Variants in PIGQ observed in about 807,000 individuals in gnomAD.
The protein encoded by PIGQ is phosphatidylinositol N-acetylglucosaminyltransferase subunit Q.
A neutral mutation model predicts 60.3 loss-of-function variants in PIGQ; 54 were observed. The observed-to-expected ratio is 0.90, with a 90% CI of 0.72 to 1.12. PIGQ has a LOEUF of 1.12. Among genes scored for constraint, PIGQ ranks in the 50% most tolerant of loss-of-function variants. The pLI, the probability that PIGQ is intolerant of heterozygous loss-of-function variation, is 0.00. For missense variants in PIGQ, 799 were observed against 793.5 expected, an observed-to-expected ratio of 1.01 and a Z score of -0.08; for synonymous variants, 416 against 363.7, an observed-to-expected ratio of 1.14 and a Z score of -1.64.
chr16:581,755 C>T (rs1434178750), intron 9 of PIGQ: 1 of 148,852 alleles, frequency 6.7e-6, no homozygotes, highest in Admixed American at 7.2e-5. Flanking sequence ...AGCCACCGTG[C>T]CCGGCTTTTT....
At chr16:577,270 C>G (rs1225703544) in intron 4 of PIGQ, 6 of 152,210 alleles carry the variant, frequency 3.9e-5, no homozygotes, top group African/African-American at 4.8e-5. Flanking sequence ...TAAATAAGCT[C>G]TATTTATAAA....
At chr16:575,515 C>T (rs865847509) in intron 2 of PIGQ, among the ~76,000 whole-genome samples, 3 of 152,198 alleles carry the variant, frequency 2.0e-5, no homozygotes, top group Non-Finnish European at 2.9e-5. Context: ...TGGGCCCTGT[C>T]GGCGGGGCGA....
intron 9 of PIGQ, chr16:581,177 C>G (rs2035803753): frequency 6.9e-6 from 10 of 1,446,368 alleles, no homozygotes; most frequent in African/African-American, 1.4e-5. Context: ...GAGAGAGACT[C>G]AGAGACTCAC....
Position 582,280 on chromosome 16 carries a change from G to C in PIGQ, c.1564G>C (p.Ala522Pro). The change falls in exon 10 of 11, where the codon GCC becomes CCC. Residue 522 changes from alanine (A) to proline (P), a missense_variant. Ala to Pro is a conservative substitution (Grantham distance 27). Transcript: ENST00000321878. Reference sequence around the variant, plus strand: ...GAAGTTCCGTGTCCTCCGGCACGAGGCCGGCAGGCCCCTCCGCCTCCTGAT... The same window carrying C: ...GAAGTTCCGTGTCCTCCGGCACGAGCCCGGCAGGCCCCTCCGCCTCCTGAT... ...GVKFRVLRHE[A>P]GRPLRLLMQI... The C allele has an allele frequency of 6.2e-7, 1 of 1,605,138 alleles. No homozygotes were observed.
chr16:583,414 G>A lies in PIGQ; in HGVS notation c.*379G>A, dbSNP rs775553398. The A allele has an allele frequency of 1.9e-5, 30 of 1,612,652 alleles. No individual in the cohort carries two copies. The Admixed American group carries it at 5.0e-4, about 27-fold the overall frequency. On this transcript the variant is annotated 3_prime_UTR_variant, in exon 11 of 11. Coordinates refer to ENST00000321878, the MANE Select transcript of PIGQ (RefSeq NM_004204.5). ...CCCCAGGTGGAGGGCTGGTCTCCCT[G>A]GGGGCTCCCCAGTGGCTCTGCCCTG...
chr16:581,760 C>CCT (rs2035812640), intron 9 of PIGQ: 1 of 82,942 alleles, frequency 1.2e-5, no homozygotes, highest in Non-Finnish European at 2.2e-5. Flanking sequence ...CCGTGCCCGG[C>CCT]TTTTTTTTTT....
intron 4 of PIGQ, 49 bp from the exon 5 acceptor site, chr16:578,330 T>TGCTGAGCCTG: frequency 6.3e-7 from 1 of 1,576,072 alleles, no homozygotes; most frequent in East Asian, 2.3e-5. Context: ...GAGATGCAGG[T>TGCTGAGCCTG]GCTGAGCCTG....
At chr16:574,030 G>A in intron 1 of PIGQ, 36 bp from the exon 2 acceptor site, 1 of 1,448,534 alleles carries the variant, frequency 6.9e-7, no homozygotes, top group Non-Finnish European at 9.4e-7. Flanking sequence ...GGGGGCAGCA[G>A]CAGCTCTGAG....
chr16:583,016 G>C lies in PIGQ; in HGVS notation c.1727G>C (p.Arg576Thr), dbSNP rs756656099. ...GAGCTCATCTACCCCTGGAGGCAGA[G>C]AGGGGACAAGCAGGACTGAGGGAAC... ...LGELIYPWRQ[R>T]GDKQD Residue 576 changes from arginine to threonine, a missense_variant, in exon 11 of 11, where the codon AGA becomes ACA. By Grantham distance (71) the Arg-to-Thr change is moderately conservative. Transcript: ENST00000321878. The C allele has an allele frequency of 8.7e-6, 14 of 1,613,164 alleles. No individual in the cohort carries two copies. The highest frequency in any genetic ancestry group is 1.2e-5 in the Non-Finnish European group (14 of 1,179,998).
Position 580,929 on chromosome 16 carries a change from G to A in PIGQ, c.1488G>A (p.Leu496=). 1.2e-6 allele frequency: 2 copies of A among 1,610,884 alleles called. No homozygotes were observed. The highest frequency in any genetic ancestry group is 1.1e-5 in the South Asian group (1 of 91,064). Residue 496 remains leucine (L), a synonymous_variant, in exon 9 of 11, where the codon CTG becomes CTA. Coordinates refer to ENST00000321878, the MANE Select transcript of PIGQ (RefSeq NM_004204.5). ...LLVDLINSLP[L]YSLGLRLCRP... ...TGGACCTCATCAACTCCCTGCCGCT[G>A]TACTCACTGGGTCTTCGGCTCTGCC...
intron 10 of PIGQ, chr16:582,647 C>T (rs931162059): frequency 4.0e-5 from 24 of 594,576 alleles, no homozygotes; most frequent in East Asian, 1.9e-4. Context: ...CCCTGTGGCA[C>T]GGCCCCTCAG....
intron 1 of PIGQ, among the ~76,000 whole-genome samples, chr16:573,366 C>T (rs1014182530): frequency 1.3e-5 from 2 of 152,020 alleles, no homozygotes; most frequent in African/African-American, 4.8e-5. Context: ...GTGGGGATGT[C>T]AGGGAGGGCC....
intron 2 of PIGQ, among the ~76,000 whole-genome samples, chr16:575,345 G>A (rs1432936486): frequency 6.6e-6 from 1 of 152,222 alleles, no homozygotes; most frequent in Non-Finnish European, 1.5e-5. Flanking sequence ...GAGAACAGAG[G>A]GCCCCCTTCC....
intron 4 of PIGQ, chr16:576,593 TG>T: frequency 2.0e-6 from 1 of 497,034 alleles, no homozygotes; most frequent in Non-Finnish European, 3.5e-6. Flanking sequence ...CCTGGCTCTC[TG>T]GGGCCCTCTG....
Position 583,988 on chromosome 16 carries a change from G to A in PIGQ, c.*953G>A, listed in dbSNP as rs80239021. The stretch of plus-strand genomic sequence containing the variant: ...GTGCCGGCTGGTGAGGGGATGACGC[G>A]CTGTGGGTGGGAGGAGGCAGCGCCC... On this transcript the variant is annotated 3_prime_UTR_variant, in exon 11 of 11. Transcript: ENST00000321878. 5,653 of 385,074 alleles carry A rather than the reference G, an allele frequency of 0.015. 222 individuals carry two copies. The highest frequency in any genetic ancestry group is 0.14 in the East Asian group (2,254 of 16,176). The allele number at this position is 385,074 out of a possible 1,614,324, so 23.9% of individuals were successfully genotyped here. A position where few individuals can be genotyped will look rare whatever the true frequency, so the allele number is the denominator to read the frequency against.
rs1050530632 is a variant in PIGQ, at chr16:574,719, G to A, written c.645G>A (p.Leu215=). 1.9e-6 allele frequency: 3 copies of A among 1,590,210 alleles called. No homozygotes were observed. Among genetic ancestry groups the A allele is most frequent in the Non-Finnish European group, 2.6e-6 (3 of 1,172,822 alleles). ...ARRASGPICL[L]LASLLSLVSA... ...GAGCCTCGGGACCCATTTGCCTGCTGTTGGCCAGCCTGCTGTCGCTGGTCT... is the reference window on the plus strand; with the variant it reads ...GAGCCTCGGGACCCATTTGCCTGCTATTGGCCAGCCTGCTGTCGCTGGTCT... The change falls in exon 2 of 11, where the codon CTG becomes CTA. Residue 215 remains leucine (L), a synonymous_variant. Transcript: ENST00000321878.
In PIGQ at chr16:576,217, T is replaced by C. The variant is rs1168769928; in HGVS notation, c.905T>C (p.Ile302Thr). ...LLSWLHGRSR[I>T]GHLADALVPV... Reference sequence around the variant, plus strand: ...TCCTGGCTCCACGGGAGAAGCCGCATCGGGCATCTGGCCGACGCCCTCGTT... The same window carrying C: ...TCCTGGCTCCACGGGAGAAGCCGCACCGGGCATCTGGCCGACGCCCTCGTT... The change falls in exon 4 of 11, where the codon ATC (isoleucine) becomes ACC (threonine). Residue 302 changes from isoleucine (I) to threonine (T), a missense_variant. Coordinates refer to ENST00000321878, the MANE Select transcript of PIGQ (RefSeq NM_004204.5). The C allele has an allele frequency of 4.5e-6, 7 of 1,551,362 alleles. No individual in the cohort carries two copies. In the South Asian group the frequency reaches 4.8e-5, roughly 11 times the overall value.
At chr16:571,656 C>T (rs1464371857) in intron 1 of PIGQ, among the ~76,000 whole-genome samples, 3 of 150,330 alleles carry the variant, frequency 2.0e-5, no homozygotes, top group Admixed American at 6.7e-5. Flanking sequence ...TTTAAAGATG[C>T]TCACGTTGCT....
chr16:579,872 GGCCCGTCTGC>G (rs989818125), intron 7 of PIGQ: 9 of 247,622 alleles, frequency 3.6e-5, no homozygotes, highest in African/African-American at 2.0e-4. Flanking sequence ...GAGTTGCCCG[GGCCCGTCTGC>G]TGCTCACACT....
Sources: gnomAD v4.1 joint callset for allele counts (sites outside exome capture counted in the v4.1 genomes callset) on GRCh38, gnomAD v4.1.1 for gene constraint, MANE v1.5 for transcripts, NCBI Gene and HGNC (gene_info 2026-07-23, HGNC 2026-07-21) for gene names.